POLA1: variants seen among roughly 807,000 people sequenced by gnomAD.
POLA1 encodes the protein DNA polymerase alpha 1, catalytic subunit.
POLA1 carries 15 observed loss-of-function variants against 124.0 expected under a neutral mutation model. That is an observed-to-expected ratio of 0.12 (90% CI 0.08 to 0.19). The LOEUF (loss-of-function observed/expected upper bound fraction) is 0.19. Among genes scored for constraint, POLA1 ranks in the 10% least tolerant of loss-of-function variants. The probability of loss-of-function intolerance (pLI) is 1.00; values close to 1 mark genes in which losing one functional copy is unlikely to be tolerated. For synonymous variants in POLA1, 408 were observed against 389.4 expected (o/e 1.05, Z -0.56); for missense variants, 886 against 1,103.4 (o/e 0.80, Z 2.79).
chrX:24,715,060 C>T, intron 5 of POLA1, 81 bp from the exon 6 acceptor site: 2 of 674,718 alleles, frequency 3.0e-6, no homozygotes, highest in Admixed American at 2.5e-5. Flanking sequence ...TAGGTCCTTC[C>T]TTTCATATAC....
rs1044657293 is a variant in POLA1, at chrX:24,697,541, A to G, written c.44-1884A>G. On this transcript the variant is annotated intron_variant, in intron 1 of 36. Transcript: ENST00000379068. ...TGTGAAAGTCAAACAATAGAGTGTG[A>G]TATTATAAAGAGAGATTCCATTTCT... Among the ~76,000 whole-genome samples the G allele has an allele frequency of 5.3e-5, 6 of 112,219 alleles. No individual in the cohort carries two copies. In the Admixed American group the frequency reaches 5.7e-4, roughly 11 times the overall value.
At chrX:24,833,688 G>A (rs1236009105) in intron 32 of POLA1, among the ~76,000 whole-genome samples, 3 of 112,367 alleles carry the variant, frequency 2.7e-5, no homozygotes, top group Non-Finnish European at 1.9e-5. Context: ...TGGAAGAGAA[G>A]TAGGCTGTGT....
intron 36 of POLA1, among the ~76,000 whole-genome samples, chrX:24,940,971 ACT>A (rs748870531): frequency 1.2e-4 from 13 of 111,363 alleles, no homozygotes; most frequent in Non-Finnish European, 1.7e-4. Context: ...ATTTAGTCTG[ACT>A]CTGCTATTTT....
intron 36 of POLA1, among the ~76,000 whole-genome samples, chrX:24,977,592 C>T (rs1481609880): frequency 8.9e-6 from 1 of 111,830 alleles, no homozygotes. Flanking sequence ...AAAGTCAAGC[C>T]CTCCAGTTCT....
At chrX:24,988,733 G>A (rs1284680943) in intron 36 of POLA1, among the ~76,000 whole-genome samples, 2 of 112,031 alleles carry the variant, frequency 1.8e-5, no homozygotes, top group Non-Finnish European at 3.8e-5. Flanking sequence ...TTGGGAGGCC[G>A]AGGTGGCAGA....
chrX:24,947,578 G>T (rs774447326), intron 36 of POLA1, among the ~76,000 whole-genome samples: 147 of 111,361 alleles, frequency 1.3e-3, no homozygotes, highest in Admixed American at 2.4e-3. Flanking sequence ...GCCACCTGCA[G>T]ATTTTTCTAG....
At chrX:24,844,311 G>T (rs11573436) in intron 34 of POLA1, among the ~76,000 whole-genome samples, 2 of 111,173 alleles carry the variant, frequency 1.8e-5, no homozygotes, top group Admixed American at 1.9e-4. Flanking sequence ...TGTTTTTAAC[G>T]CATTTCACAT....
chrX:24,734,939 G>T (rs1008467364), intron 17 of POLA1, among the ~76,000 whole-genome samples: 2 of 111,753 alleles, frequency 1.8e-5, no homozygotes, highest in East Asian at 5.6e-4. Context: ...AAATATGTTT[G>T]TTTTTAGTCT....
At chrX:24,993,521 C>G (rs910165347) in intron 36 of POLA1, among the ~76,000 whole-genome samples, 20 of 112,463 alleles carry the variant, frequency 1.8e-4, no homozygotes, top group African/African-American at 6.1e-4. Flanking sequence ...TGGCCTCCAC[C>G]AGTTAACACC....
At chrX:24,965,182 A>G (rs1161007795) in intron 36 of POLA1, among the ~76,000 whole-genome samples, 1 of 112,273 alleles carries the variant, frequency 8.9e-6, no homozygotes, top group East Asian at 2.8e-4. Flanking sequence ...GTGCAGAATC[A>G]GTATGTGCTA....
chrX:24,713,044 A>T (rs1168633950), intron 4 of POLA1, among the ~76,000 whole-genome samples: 3 of 110,921 alleles, frequency 2.7e-5, no homozygotes, highest in Non-Finnish European at 1.9e-5. Context: ...GGCTCACTGC[A>T]ACCTCTGCCT....
At chrX:24,922,408 A>T (rs916823000) in intron 35 of POLA1, among the ~76,000 whole-genome samples, 1 of 110,963 alleles carries the variant, frequency 9.0e-6, no homozygotes, top group Admixed American at 9.7e-5. Flanking sequence ...ATAAGATTTC[A>T]TGCAGAATTC....
In POLA1 at chrX:24,826,336, CTGTT is replaced by C. The variant is rs892345566; in HGVS notation, c.3562-88_3562-85del. 2.9e-5 allele frequency: 17 copies of C among 592,178 alleles called. No homozygotes were observed. The South Asian group carries it at 4.2e-4, about 15-fold the overall frequency. The allele number at this position is 592,178 out of a possible 1,213,427, so 48.8% of individuals were successfully genotyped here. ...ACATAAAATTTAAATTGTTGCCTCT[CTGTT>C]TGACCAAGCAAGTGTCTGTGATTGA... is the stretch of plus-strand genomic sequence containing the variant. On this transcript the variant is annotated intron_variant, in intron 31 of 36. Coordinates refer to ENST00000379068, the MANE Select transcript of POLA1 (RefSeq NM_001330360.2).
intron 35 of POLA1, among the ~76,000 whole-genome samples, chrX:24,908,178 A>T (rs997160276): frequency 9.0e-6 from 1 of 111,468 alleles, no homozygotes; most frequent in Non-Finnish European, 1.9e-5. Flanking sequence ...TTTTTTAATG[A>T]TGCAACTCTA....
At chrX:24,807,852 G>A (rs140674839) in intron 26 of POLA1, among the ~76,000 whole-genome samples, 98 of 111,958 alleles carry the variant, frequency 8.8e-4, no homozygotes, top group Middle Eastern at 4.6e-3. Flanking sequence ...GAAAAGGACT[G>A]GGGAAGGAAT....
At chrX:24,801,081 A>G (rs2045696505) in intron 26 of POLA1, among the ~76,000 whole-genome samples, 1 of 112,433 alleles carries the variant, frequency 8.9e-6, no homozygotes, top group South Asian at 3.7e-4. Context: ...CTATAGTTGT[A>G]TGGGAGAGGT....
chrX:24,745,712 A>G (rs921588191), intron 24 of POLA1, among the ~76,000 whole-genome samples, 170 bp downstream of exon 24: 4 of 112,126 alleles, frequency 3.6e-5, no homozygotes, highest in Admixed American at 2.8e-4. Context: ...AGAGTTTGCA[A>G]CCATCATCAC....
intron 26 of POLA1, among the ~76,000 whole-genome samples, chrX:24,785,985 C>T (rs1239879024): frequency 1.8e-5 from 2 of 112,521 alleles, no homozygotes; most frequent in African/African-American, 6.5e-5. Flanking sequence ...GTTTATTTCA[C>T]TTAGCATAAT....
chrX:24,911,443 G>T (rs949747982), intron 35 of POLA1, among the ~76,000 whole-genome samples: 1 of 111,135 alleles, frequency 9.0e-6, no homozygotes, highest in African/African-American at 3.3e-5. Flanking sequence ...AACAAAGTAG[G>T]ATGATGCAGG....
Sources: gnomAD v4.1 joint callset for allele counts (sites outside exome capture counted in the v4.1 genomes callset) on GRCh38, gnomAD v4.1.1 for gene constraint, MANE v1.5 for transcripts, NCBI Gene and HGNC (gene_info 2026-07-23, HGNC 2026-07-21) for gene names.